The following SMARCAD1 variants were observed in gnomAD, a reference collection of about 807,000 sequenced individuals.
The protein encoded by SMARCAD1 is SNF2 related chromatin remodeling ATPase with DExD box 1.
Under a neutral mutation model 127.1 loss-of-function variants are expected in SMARCAD1, and 25 were observed. The ratio of observed to expected loss-of-function variants is 0.20; its 90% CI spans 0.14 to 0.27. The LOEUF (loss-of-function observed/expected upper bound fraction) is 0.27, where lower values mean the gene tolerates loss of function less well. Among genes scored for constraint, SMARCAD1 ranks in the 10% least tolerant of loss-of-function variants. SMARCAD1 has a pLI of 1.00. For synonymous variants in SMARCAD1, 400 were observed against 396.9 expected (o/e 1.01, Z -0.09); for missense variants, 807 against 1,206.0 (o/e 0.67, Z 4.90).
chr4:94,211,273 AAAAT>A (rs1427631921), intron 2 of SMARCAD1, among the ~76,000 whole-genome samples: 8 of 152,278 alleles, frequency 5.3e-5, no homozygotes, highest in African/African-American at 1.4e-4. Context: ...ACTCCATGTC[AAAAT>A]AAATAAATAA....
At chr4:94,214,428 A>ATT (rs35699441) in intron 2 of SMARCAD1, among the ~76,000 whole-genome samples, 91 of 147,594 alleles carry the variant, frequency 6.2e-4, no homozygotes, top group East Asian at 3.2e-3. Flanking sequence ...CGCCGGGCTA[A>ATT]TTTTTTTTTT....
intron 2 of SMARCAD1, among the ~76,000 whole-genome samples, chr4:94,218,663 A>G (rs1743595740): frequency 6.6e-6 from 1 of 152,038 alleles, no homozygotes; most frequent in Non-Finnish European, 1.5e-5. Flanking sequence ...TGTATTAGAA[A>G]CTACTCTTTA....
At position 94,278,624 on chromosome 4, in the gene SMARCAD1, G is replaced by A. The variant is rs375467421; in HGVS notation, c.2187G>A (p.Lys729=). ...TGTTTTTTCTGTCTCAGGTTCTCAA[G>A]CAGTTACCCCCCAAGAAAGATCGAA... ...ILRRVKEEVL[K]QLPPKKDRIE... Residue 729 remains lysine (K), a synonymous_variant, in exon 18 of 24, where the codon AAG becomes AAA. Transcript: ENST00000354268. The A allele has an allele frequency of 6.2e-7, 1 of 1,613,902 alleles. No homozygotes were observed. Among genetic ancestry groups the A allele is most frequent in the Admixed American group, 1.7e-5 (1 of 59,996 alleles).
intron 1 of SMARCAD1, 58 bp downstream of exon 1, chr4:94,208,128 G>A: frequency 1.7e-6 from 1 of 592,290 alleles, no homozygotes; most frequent in South Asian, 1.5e-5. Flanking sequence ...GGCGGGCGGG[G>A]GAGGCGGACG....
At chr4:94,230,882 A>G (rs1205439733) in intron 3 of SMARCAD1, among the ~76,000 whole-genome samples, 1 of 152,208 alleles carries the variant, frequency 6.6e-6, no homozygotes, top group Non-Finnish European at 1.5e-5. Flanking sequence ...GAAAGGTAAA[A>G]GGAAAATCAG....
In SMARCAD1 at chr4:94,291,096, A is replaced by C. The variant is rs1217224414; in HGVS notation, c.*1562A>C. 2.2e-6 allele frequency: 1 copy of C among 449,316 alleles called. No homozygotes were observed. Among genetic ancestry groups the C allele is most frequent in the Non-Finnish European group, 4.4e-6 (1 of 225,406 alleles). The allele number at this position is 449,316 out of a possible 1,614,324, so 27.8% of individuals were successfully genotyped here. On this transcript the variant is annotated 3_prime_UTR_variant, in exon 24 of 24. Transcript: ENST00000354268. ...AAATCAGTTATTCAAATTGTTAGGA[A>C]TTTTACCTTTTAAAATCTCATAATG...
chr4:94,213,278 A>G, intron 2 of SMARCAD1: 1 of 385,282 alleles, frequency 2.6e-6, no homozygotes, highest in South Asian at 2.5e-5. Context: ...TCAGGGGAGG[A>G]TCACAAAAAG....
chr4:94,275,796 C>CTTT (rs535710589), intron 14 of SMARCAD1, among the ~76,000 whole-genome samples: 26 of 85,400 alleles, frequency 3.0e-4, no homozygotes, highest in African/African-American at 9.0e-4. Flanking sequence ...TTAACATTTT[C>CTTT]TTTTTTTTTT....
intron 5 of SMARCAD1, among the ~76,000 whole-genome samples, chr4:94,237,615 T>C (rs1446678244): frequency 1.3e-5 from 2 of 152,072 alleles, no homozygotes; most frequent in Non-Finnish European, 2.9e-5. Flanking sequence ...TATGTCATTC[T>C]CAACTTTTTT....
chr4:94,285,667 A>G (rs546724493), intron 23 of SMARCAD1, among the ~76,000 whole-genome samples: 36 of 152,336 alleles, frequency 2.4e-4, no homozygotes, highest in African/African-American at 7.7e-4. Flanking sequence ...TAATCTGTCT[A>G]CAGCGAGAGA....
chr4:94,230,385 CAT>C (rs553230366), intron 3 of SMARCAD1, among the ~76,000 whole-genome samples: 233 of 151,944 alleles, frequency 1.5e-3, no homozygotes, highest in African/African-American at 5.3e-3. Flanking sequence ...TCCTGGAAAT[CAT>C]ATCAGTTCTA....
At chr4:94,256,148 G>T (rs1474130297) in intron 9 of SMARCAD1, among the ~76,000 whole-genome samples, 1 of 152,150 alleles carries the variant, frequency 6.6e-6, no homozygotes, top group South Asian at 2.1e-4. Flanking sequence ...ATGTTAATCA[G>T]AGTAGTAATG....
chr4:94,288,120 T>C (rs1206113642), intron 23 of SMARCAD1, among the ~76,000 whole-genome samples: 1 of 152,230 alleles, frequency 6.6e-6, no homozygotes, highest in Non-Finnish European at 1.5e-5. Context: ...ATAAAGTCAA[T>C]TGTAAACATG....
chr4:94,256,120 A>G (rs1750038355), intron 9 of SMARCAD1, among the ~76,000 whole-genome samples: 1 of 152,010 alleles, frequency 6.6e-6, no homozygotes, highest in South Asian at 2.1e-4. Context: ...GAAAAATACT[A>G]CTCTGTTGCA....
chr4:94,288,253 A>T (rs944861541), intron 23 of SMARCAD1, among the ~76,000 whole-genome samples: 6 of 147,790 alleles, frequency 4.1e-5, no homozygotes, highest in Non-Finnish European at 6.1e-5. Context: ...GATTTCTCTC[A>T]TTTGTCCCCT....
intron 9 of SMARCAD1, among the ~76,000 whole-genome samples, chr4:94,254,913 A>G (rs1036418600): frequency 6.6e-6 from 1 of 152,068 alleles, no homozygotes; most frequent in African/African-American, 2.4e-5. Context: ...GTACTTTTTT[A>G]GCCCAAACCC....
At chr4:94,261,398 G>A (rs918544628) in intron 9 of SMARCAD1, among the ~76,000 whole-genome samples, 5 of 152,068 alleles carry the variant, frequency 3.3e-5, no homozygotes, top group Non-Finnish European at 5.9e-5. Flanking sequence ...GATTTCTACC[G>A]AATTGTGAAT....
At chr4:94,284,310 G>C (rs1220501943) in intron 22 of SMARCAD1, among the ~76,000 whole-genome samples, 1 of 107,148 alleles carries the variant, frequency 9.3e-6, no homozygotes, top group African/African-American at 3.9e-5. Context: ...CTGGGTGACG[G>C]AGCAAGACTC....
intron 23 of SMARCAD1, among the ~76,000 whole-genome samples, chr4:94,285,391 G>A (rs1309950096): frequency 6.6e-6 from 1 of 151,976 alleles, no homozygotes. Context: ...TTTTGTTTTT[G>A]TGTGTGTGTG....
Sources: gnomAD v4.1 joint callset for allele counts (sites outside exome capture counted in the v4.1 genomes callset) on GRCh38, gnomAD v4.1.1 for gene constraint, MANE v1.5 for transcripts, NCBI Gene and HGNC (gene_info 2026-07-23, HGNC 2026-07-21) for gene names.